Variants in CTNNA2 observed in about 807,000 individuals in gnomAD.
The protein encoded by CTNNA2 is catenin alpha 2, also known as catenin alpha-2.
CTNNA2 carries 42 observed loss-of-function variants against 101.0 expected under a neutral mutation model. That is an observed-to-expected ratio of 0.42 (90% CI 0.32 to 0.54). The LOEUF is 0.54. CTNNA2 is among the 20% of genes least tolerant of loss of function. CTNNA2 has a pLI of 0.14. For synonymous variants in CTNNA2, 450 were observed against 456.4 expected, an observed-to-expected ratio of 0.99 and a Z score of 0.18; for missense variants, 871 against 1,223.1, an observed-to-expected ratio of 0.71 and a Z score of 4.29.
rs567423236 is a variant in CTNNA2 at position 79,631,004 on chromosome 2, A to G, written c.-5-20548A>G. Among the ~76,000 whole-genome samples, 4 of 151,644 alleles carry G rather than the reference A, an allele frequency of 2.6e-5. No homozygotes were observed. The East Asian group carries it at 5.8e-4, about 22-fold the overall frequency. The stretch of plus-strand genomic sequence containing the variant: ...GTTGAAACCCTTCGTTGTGAAGTCT[A>G]TCTTCCTGAGTTCTTTTCTCATTGA... On this transcript the variant is annotated intron_variant, in intron 1 of 18. Coordinates refer to ENST00000402739, the MANE Select transcript of CTNNA2 (RefSeq NM_001282597.3).
intron 2 of CTNNA2, among the ~76,000 whole-genome samples, chr2:79,718,838 G>A: frequency 7.4e-6 from 1 of 134,790 alleles, no homozygotes; most frequent in East Asian, 2.1e-4. Flanking sequence ...TTTTTTTTTT[G>A]TGGTGGTGGT....
intron 2 of CTNNA2, among the ~76,000 whole-genome samples, chr2:79,672,361 A>G (rs1682897014): frequency 6.6e-6 from 1 of 152,244 alleles, no homozygotes; most frequent in Admixed American, 6.5e-5. Flanking sequence ...AATCACGAAC[A>G]TTAAAGCAAA....
intron 2 of CTNNA2, among the ~76,000 whole-genome samples, chr2:79,710,144 G>A (rs1433340629): frequency 6.6e-6 from 1 of 151,806 alleles, no homozygotes; most frequent in Non-Finnish European, 1.5e-5. Flanking sequence ...CTGTATCTTT[G>A]AGCCTGTCAG....
intron 14 of CTNNA2, among the ~76,000 whole-genome samples, chr2:80,588,427 A>T (rs994915900): frequency 6.6e-6 from 1 of 152,214 alleles, no homozygotes; most frequent in Admixed American, 6.5e-5. Context: ...GGGAATGTGC[A>T]TGTCACGCAA....
At chr2:80,393,128 C>T (rs1248037594) in intron 7 of CTNNA2, 83 bp from the exon 8 acceptor site, 2 of 1,005,450 alleles carry the variant, frequency 2.0e-6, no homozygotes, top group Non-Finnish European at 2.9e-6. Flanking sequence ...TTTAACTTCT[C>T]ATGTTTTCCT....
intron 2 of CTNNA2, among the ~76,000 whole-genome samples, chr2:79,214,507 C>G (rs1414353519): frequency 1.3e-5 from 2 of 152,118 alleles, no homozygotes; most frequent in East Asian, 3.9e-4. Context: ...CATGCTATAA[C>G]AGGCGAGTGA....
Position 79,483,825 on chromosome 2 carries a change from G to T in CTNNA2, c.-134-21229G>T, listed in dbSNP as rs888884919. Among the ~76,000 whole-genome samples the T allele has an allele frequency of 3.9e-5, 6 of 151,988 alleles. No individual in the cohort carries two copies. The South Asian group carries it at 1.2e-3, about 32-fold the overall frequency. ...CCACCTGTTGACTGATGAGCATTTG[G>T]GCTAATTCCATATTTTTGCAATTGT... On this transcript the variant is annotated intron_variant, in intron 4 of 21. Transcript: ENST00000466387.
intron 7 of CTNNA2, among the ~76,000 whole-genome samples, chr2:79,999,008 T>C (rs1005707923): frequency 1.3e-5 from 2 of 152,170 alleles, no homozygotes; most frequent in Non-Finnish European, 2.9e-5. Context: ...AGAAGTCTAC[T>C]GTTCCTGGAT....
intron 4 of CTNNA2, among the ~76,000 whole-genome samples, chr2:79,466,160 A>G (rs995064032): frequency 1.3e-5 from 2 of 152,204 alleles, no homozygotes; most frequent in African/African-American, 4.8e-5. Flanking sequence ...GACAGACAGC[A>G]CCTGGAAAAT....
At position 79,897,554 on chromosome 2, in the gene CTNNA2, T is replaced by C. The variant is rs147699195; in HGVS notation, c.853-12040T>C. 6.4e-4 allele frequency among the ~76,000 whole-genome samples: 97 copies of C among 152,334 alleles called. 2 individuals are homozygous for C. In the East Asian group the frequency reaches 0.016, roughly 25 times the overall value. On this transcript the variant is annotated intron_variant, in intron 6 of 18. Transcript: ENST00000402739. ...TAACTTTCTCAACAACACTGTTGTA[T>C]AGGTACTGCTAAGATTCATTCCTGT...
At chr2:80,617,212 A>G (rs990561297) in intron 17 of CTNNA2, among the ~76,000 whole-genome samples, 2 of 151,682 alleles carry the variant, frequency 1.3e-5, no homozygotes, top group African/African-American at 4.8e-5. Flanking sequence ...TAATTTTTAA[A>G]ACTGAGAAAT....
intron 7 of CTNNA2, among the ~76,000 whole-genome samples, chr2:80,132,423 A>G (rs1031641725): frequency 1.1e-4 from 16 of 152,302 alleles, no homozygotes; most frequent in Middle Eastern, 3.4e-3. Flanking sequence ...GTATCACAGG[A>G]GAGAGACACA....
intron 7 of CTNNA2, among the ~76,000 whole-genome samples, chr2:79,926,870 C>T (rs2974150): frequency 0.15 from 22,889 of 151,474 alleles, 1,922 homozygotes; most frequent in East Asian, 0.26. Context: ...AAGTCCCTTC[C>T]AAATAATAAA....
intron 6 of CTNNA2, among the ~76,000 whole-genome samples, chr2:79,894,054 TTCTTCTTCTTCC>T (rs1428490525): frequency 5.1e-4 from 50 of 97,128 alleles, no homozygotes; most frequent in African/African-American, 1.4e-3. Flanking sequence ...CTTCTTCTTC[TTCTTCTTCTTCC>T]TCCTCCTCCT....
At chr2:79,830,024 A>G (rs1678805373) in intron 3 of CTNNA2, among the ~76,000 whole-genome samples, 1 of 152,120 alleles carries the variant, frequency 6.6e-6, no homozygotes, top group Non-Finnish European at 1.5e-5. Context: ...TGACCCTGGG[A>G]AAAGGAATTC....
At chr2:80,014,509 T>C (rs1487484178) in intron 7 of CTNNA2, among the ~76,000 whole-genome samples, 1 of 152,182 alleles carries the variant, frequency 6.6e-6, no homozygotes, top group Non-Finnish European at 1.5e-5. Flanking sequence ...TATCATATCA[T>C]TTGATCCTCA....
chr2:80,238,684 A>T (rs1399163068), intron 7 of CTNNA2, among the ~76,000 whole-genome samples: 1 of 152,210 alleles, frequency 6.6e-6, no homozygotes, highest in Admixed American at 6.5e-5. Context: ...AGCTAGCGTA[A>T]AAGTTAAAGA....
At position 80,411,081 on chromosome 2, in the gene CTNNA2, C is replaced by T. The variant is rs149270122; in HGVS notation, c.1138-8368C>T. On this transcript the variant is annotated intron_variant, in intron 8 of 18. Coordinates refer to ENST00000402739, the MANE Select transcript of CTNNA2 (RefSeq NM_001282597.3). ...CATATCAAAGCGTGGAAAATGGATA[C>T]CAGTCTTTCTGGGAGAAGTCTCTTG... Among the ~76,000 whole-genome samples, 258 of 152,270 alleles carry T rather than the reference C, an allele frequency of 1.7e-3. 4 individuals carry two copies. Among genetic ancestry groups the T allele is most frequent in the African/African-American group, 5.7e-3 (236 of 41,544 alleles).
intron 18 of CTNNA2, among the ~76,000 whole-genome samples, chr2:80,641,428 T>G (rs907825242): frequency 2.6e-5 from 4 of 152,174 alleles, no homozygotes; most frequent in Admixed American, 1.3e-4. Flanking sequence ...CCATGCATAT[T>G]GTAAATATAT....
Sources: allele counts gnomAD v4.1 joint callset (sites outside exome capture counted in the v4.1 genomes callset), GRCh38; gene constraint gnomAD v4.1.1; transcripts MANE v1.5; gene names NCBI Gene and HGNC (gene_info 2026-07-23, HGNC 2026-07-21).